The following CSMD3 variants were observed in gnomAD, a reference collection of about 807,000 sequenced individuals.
CSMD3 encodes the protein CUB and sushi domain-containing protein 3.
Under a neutral mutation model 435.2 loss-of-function variants are expected in CSMD3, and 177 were observed. The ratio of observed to expected loss-of-function variants is 0.41; its 90% CI spans 0.36 to 0.46. The LOEUF (loss-of-function observed/expected upper bound fraction) is 0.46. Ranked by LOEUF, CSMD3 falls within the 20% of genes least tolerant of loss-of-function variation. The probability of loss-of-function intolerance (pLI) is 0.34; values close to 1 mark genes in which losing one functional copy is unlikely to be tolerated. For missense variants in CSMD3, 4,265 were observed against 4,504.6 expected (o/e 0.95, Z 1.52); for synonymous variants, 1,656 against 1,520.5 (o/e 1.09, Z -2.07).
At chr8:112,475,526 T>C (rs554282594) in intron 31 of CSMD3, among the ~76,000 whole-genome samples, 1 of 152,232 alleles carries the variant, frequency 6.6e-6, no homozygotes, top group Non-Finnish European at 1.5e-5. Flanking sequence ...GAGTGATAAT[T>C]ATGCAGTGTG....
intron 59 of CSMD3, among the ~76,000 whole-genome samples, chr8:112,270,686 T>C (rs1171701064): frequency 6.6e-6 from 1 of 152,106 alleles, no homozygotes; most frequent in Non-Finnish European, 1.5e-5. Context: ...GTTATGTTTC[T>C]ACTTTGTTTT....
At chr8:112,681,978 C>T (rs1452210388) in intron 16 of CSMD3, among the ~76,000 whole-genome samples, 1 of 151,774 alleles carries the variant, frequency 6.6e-6, no homozygotes, top group Non-Finnish European at 1.5e-5. Context: ...AAAAAATTAG[C>T]AAATGATGCC....
At chr8:112,811,370 T>C (rs2079223265) in intron 12 of CSMD3, among the ~76,000 whole-genome samples, 1 of 151,454 alleles carries the variant, frequency 6.6e-6, no homozygotes, top group Non-Finnish European at 1.5e-5. Context: ...TGCTTTCTTT[T>C]TCTTTCAGAT....
intron 1 of CSMD3, among the ~76,000 whole-genome samples, chr8:113,378,373 C>T (rs918141339): frequency 2.6e-5 from 4 of 152,138 alleles, no homozygotes; most frequent in African/African-American, 7.2e-5. Flanking sequence ...GTGAACCAAA[C>T]TGACATTCCT....
At chr8:112,684,808 A>T (rs2131799069) in intron 15 of CSMD3, among the ~76,000 whole-genome samples, 1 of 152,282 alleles carries the variant, frequency 6.6e-6, no homozygotes, top group Middle Eastern at 3.4e-3. Flanking sequence ...CTCTGTGCTA[A>T]ATTATTCACA....
chr8:113,427,455 A>G (rs1586180024), intron 1 of CSMD3, among the ~76,000 whole-genome samples: 2 of 151,022 alleles, frequency 1.3e-5, no homozygotes, highest in African/African-American at 4.8e-5. Context: ...TCTCCATTCA[A>G]TGAGCTTTAC....
At chr8:113,128,296 G>T (rs1000768548) in intron 4 of CSMD3, among the ~76,000 whole-genome samples, 6 of 151,898 alleles carry the variant, frequency 4.0e-5, no homozygotes, top group African/African-American at 1.5e-4. Flanking sequence ...AAGGAAAAGA[G>T]GTAGAAAGGA....
At chr8:113,376,126 G>A (rs950398133) in intron 1 of CSMD3, among the ~76,000 whole-genome samples, 2 of 151,922 alleles carry the variant, frequency 1.3e-5, no homozygotes, top group African/African-American at 2.4e-5. Context: ...CATGAATCTG[G>A]ACATTTATAA....
chr8:112,650,035 G>T (rs2075084285), intron 19 of CSMD3, 126 bp downstream of exon 19: 2 of 708,084 alleles, frequency 2.8e-6, no homozygotes, highest in Non-Finnish European at 4.8e-6. Context: ...ACATAAATTT[G>T]CCAGAAATCA....
intron 30 of CSMD3, among the ~76,000 whole-genome samples, chr8:112,494,395 T>TTTTTC (rs770249659): frequency 1.5e-3 from 220 of 150,896 alleles, no homozygotes; most frequent in Non-Finnish European, 2.8e-3. Context: ...TACTATTTTC[T>TTTTTC]TTTTCTTTTC....
rs574810865 is a variant in CSMD3, at chr8:112,855,523, G to T, written c.1755+3622C>A. ...AGACTTTGTGTTTTAATTAAAATTG[G>T]CCTATAATATCCTAAGTATCATGAG... On this transcript the variant is annotated intron_variant, in intron 11 of 70. Transcript: ENST00000297405. 1.3e-3 allele frequency among the ~76,000 whole-genome samples: 202 copies of T among 150,746 alleles called. 1 individual carries two copies. Among genetic ancestry groups the T allele is most frequent in the Non-Finnish European group, 2.0e-3 (133 of 67,914 alleles).
chr8:112,982,716 T>A (rs1215532873), intron 6 of CSMD3, among the ~76,000 whole-genome samples: 2 of 151,962 alleles, frequency 1.3e-5, no homozygotes, highest in African/African-American at 4.8e-5. Flanking sequence ...AGAGGCCTTA[T>A]CCCCTATTTC....
At chr8:113,219,062 G>A (rs112650442) in intron 3 of CSMD3, among the ~76,000 whole-genome samples, 3 of 151,422 alleles carry the variant, frequency 2.0e-5, no homozygotes, top group African/African-American at 7.2e-5. Flanking sequence ...AACAGGAATG[G>A]ATGGATATTT....
intron 24 of CSMD3, among the ~76,000 whole-genome samples, chr8:112,572,129 T>C (rs1369655868): frequency 6.6e-6 from 1 of 151,952 alleles, no homozygotes; most frequent in Non-Finnish European, 1.5e-5. Context: ...ATATCATTAC[T>C]CAATATCATT....
At chr8:112,822,006 T>A (rs890084958) in intron 12 of CSMD3, among the ~76,000 whole-genome samples, 1 of 152,216 alleles carries the variant, frequency 6.6e-6, no homozygotes, top group Non-Finnish European at 1.5e-5. Context: ...TCCACTGATC[T>A]ATATGACTGT....
At chr8:112,656,538 A>G (rs1196171960) in intron 17 of CSMD3, among the ~76,000 whole-genome samples, 197 bp from the exon 18 acceptor site, 1 of 152,110 alleles carries the variant, frequency 6.6e-6, no homozygotes, top group Admixed American at 6.6e-5. Context: ...TCTTATTCCT[A>G]TGAAAAATTA....
At chr8:112,981,773 A>G (rs2085062125) in intron 6 of CSMD3, among the ~76,000 whole-genome samples, 1 of 151,742 alleles carries the variant, frequency 6.6e-6, no homozygotes, top group African/African-American at 2.4e-5. Context: ...TAGAAATTTT[A>G]ATAAACACAC....
chr8:113,095,054 G>A (rs576041406), intron 5 of CSMD3, among the ~76,000 whole-genome samples: 1 of 151,874 alleles, frequency 6.6e-6, no homozygotes, highest in South Asian at 2.1e-4. Context: ...CTGGGTGACA[G>A]AGTGAGACTC....
chr8:112,396,258 G>A (rs945721284), intron 35 of CSMD3, among the ~76,000 whole-genome samples: 21 of 152,232 alleles, frequency 1.4e-4, no homozygotes, highest in Middle Eastern at 3.4e-3. Flanking sequence ...CTTTCAATTG[G>A]ATGCTGACTT....
Sources: gnomAD v4.1 joint callset for allele counts (sites outside exome capture counted in the v4.1 genomes callset) on GRCh38, gnomAD v4.1.1 for gene constraint, MANE v1.5 for transcripts, NCBI Gene and HGNC (gene_info 2026-07-23, HGNC 2026-07-21) for gene names.